The following PDZD2 variants were observed in gnomAD, a reference collection of about 807,000 sequenced individuals.
PDZD2 encodes the protein PDZ domain-containing protein 2.
Under a neutral mutation model 220.7 loss-of-function variants are expected in PDZD2, and 90 were observed. That is an observed-to-expected ratio of 0.41 (90% CI 0.34 to 0.49). The LOEUF is 0.49. PDZD2 is among the 20% of genes least tolerant of loss of function. PDZD2 has a pLI of 0.28. For synonymous variants in PDZD2, 1,375 were observed against 1,450.5 expected (o/e 0.95, Z 1.18); for missense variants, 3,174 against 3,608.5 (o/e 0.88, Z 3.08).
At position 32,016,456 on chromosome 5, in the gene PDZD2, G is replaced by C. The variant is rs976263520; in HGVS notation, c.1407+5974G>C. Among the ~76,000 whole-genome samples the C allele has an allele frequency of 2.2e-4, 34 of 152,200 alleles. 1 individual carries two copies. Among genetic ancestry groups the C allele is most frequent in the Non-Finnish European group, 7.3e-5 (5 of 68,036 alleles). On this transcript the variant is annotated intron_variant, in intron 6 of 24. Coordinates refer to ENST00000438447, the MANE Select transcript of PDZD2 (RefSeq NM_178140.4). ...ATGAATACCAAGGGTGTAAACCTGT[G>C]ATTAGCATTAAAACAGAAAGACACG... is the stretch of plus-strand genomic sequence containing the variant.
chr5:32,062,291 G>T (rs561868553), intron 14 of PDZD2, among the ~76,000 whole-genome samples: 5 of 152,040 alleles, frequency 3.3e-5, no homozygotes, highest in Admixed American at 6.5e-5. Context: ...AAAAAATAAA[G>T]CCCAGCATTT....
At chr5:31,992,432 T>C in intron 3 of PDZD2, among the ~76,000 whole-genome samples, 1 of 85,838 alleles carries the variant, frequency 1.2e-5, no homozygotes, top group East Asian at 2.4e-4. Context: ...TGAACTCTTC[T>C]GTCAGTATAT....
chr5:32,011,358 G>T (rs887623090), intron 6 of PDZD2, among the ~76,000 whole-genome samples: 2 of 151,842 alleles, frequency 1.3e-5, no homozygotes, highest in African/African-American at 4.8e-5. Context: ...AATTAGCCAG[G>T]TGTGGTGGGG....
intron 3 of PDZD2, among the ~76,000 whole-genome samples, chr5:31,985,238 G>C (rs1296038981): frequency 2.0e-5 from 3 of 152,042 alleles, no homozygotes; most frequent in Non-Finnish European, 1.5e-5. Flanking sequence ...TGATTAGATT[G>C]TGCATACACA....
At chr5:31,738,465 C>T (rs1459533083) in intron 1 of PDZD2, 2 of 152,174 alleles carry the variant, frequency 1.3e-5, no homozygotes, top group Non-Finnish European at 2.9e-5. Flanking sequence ...CCTTGTTCTG[C>T]ACTTTCTAAA....
At position 32,088,309 on chromosome 5, in the gene PDZD2, GCTGCCATCTGTC is replaced by G; in HGVS notation, c.4867_4878del (p.Ile1623_Ala1626del). ...GAGTCCTGCTCATCTTCCCACCCAG[GCTGCCATCTGTC>G]CTGCCTCAGCCAAAGTTCTGTCATT... On this transcript the variant is annotated inframe_deletion, in exon 20 of 25. Coordinates refer to ENST00000438447, the MANE Select transcript of PDZD2 (RefSeq NM_178140.4). The surrounding 1 kb of genome is among the most constrained non-coding windows in gnomAD (Gnocchi z 4.6). The G allele has an allele frequency of 6.2e-7, 1 of 1,614,028 alleles. No homozygotes were observed. Among genetic ancestry groups the G allele is most frequent in the East Asian group, 2.2e-5 (1 of 44,866 alleles).
At chr5:31,680,710 C>G (rs1329929425) in intron 1 of PDZD2, among the ~76,000 whole-genome samples, 4 of 152,088 alleles carry the variant, frequency 2.6e-5, no homozygotes, top group Admixed American at 2.6e-4. Flanking sequence ...CTCGTCAGGA[C>G]GTGCGAGCTT....
intron 14 of PDZD2, among the ~76,000 whole-genome samples, chr5:32,065,066 G>A (rs149506727): frequency 0.016 from 2,439 of 150,036 alleles, 79 homozygotes; most frequent in African/African-American, 0.057. Flanking sequence ...TTAGGAGGCC[G>A]AGGTGGGCAG....
At chr5:31,705,974 C>T (rs426406) in intron 1 of PDZD2, among the ~76,000 whole-genome samples, 75,441 of 152,044 alleles carry the variant, frequency 0.5, 19,140 homozygotes, top group East Asian at 0.68. Context: ...ACTGCTTGAA[C>T]CTGGGAGGCG....
intron 2 of PDZD2, among the ~76,000 whole-genome samples, chr5:31,897,706 G>A (rs981537162): frequency 2.6e-4 from 39 of 151,214 alleles, no homozygotes; most frequent in African/African-American, 9.5e-4. Context: ...CATGAAACAT[G>A]CAGATGATAT....
chr5:32,029,751 G>C (rs1754979540), intron 6 of PDZD2, among the ~76,000 whole-genome samples: 1 of 152,216 alleles, frequency 6.6e-6, no homozygotes, highest in Non-Finnish European at 1.5e-5. Context: ...TGGAAAGACA[G>C]ATAATTCCAT....
At chr5:31,787,606 A>T (rs1753453455) in intron 1 of PDZD2, 1 of 148,694 alleles carries the variant, frequency 6.7e-6, no homozygotes, top group Non-Finnish European at 1.5e-5. Context: ...CATTTCATTC[A>T]TTTTTTTTTT....
chr5:32,002,648 C>CA (rs1561311814), intron 5 of PDZD2, among the ~76,000 whole-genome samples: 12 of 70,212 alleles, frequency 1.7e-4, no homozygotes, highest in African/African-American at 6.0e-4. Context: ...ACACACACAC[C>CA]CCACATACTA....
chr5:31,950,335 T>C (rs982735770), intron 2 of PDZD2, among the ~76,000 whole-genome samples: 6 of 152,158 alleles, frequency 3.9e-5, no homozygotes, highest in Non-Finnish European at 1.5e-5. Context: ...AGTTGTAGAT[T>C]GCTGGAAAAA....
intron 1 of PDZD2, among the ~76,000 whole-genome samples, chr5:31,651,864 C>T (rs11953302): frequency 6.8e-6 from 1 of 147,428 alleles, no homozygotes; most frequent in African/African-American, 2.5e-5. Context: ...GTCACCCAGG[C>T]TGGAGTGTAG....
chr5:32,052,781 C>T (rs1367924514), intron 9 of PDZD2, 51 bp downstream of exon 9: 26 of 1,572,634 alleles, frequency 1.7e-5, no homozygotes, highest in Non-Finnish European at 2.3e-5. Flanking sequence ...TCTTAGCACA[C>T]ATTTTTTGTT....
chr5:31,760,170 T>C (rs929646514), intron 1 of PDZD2, among the ~76,000 whole-genome samples: 2 of 150,982 alleles, frequency 1.3e-5, no homozygotes, highest in Admixed American at 6.6e-5. Flanking sequence ...ATGGCTCTTA[T>C]GTTGAACTCA....
intron 2 of PDZD2, among the ~76,000 whole-genome samples, chr5:31,886,280 C>T (rs1050549482): frequency 6.6e-6 from 1 of 152,186 alleles, no homozygotes; most frequent in African/African-American, 2.4e-5. Flanking sequence ...TTGTTTAGAG[C>T]ATGTTGCTGC....
chr5:31,689,353 A>ATATATATATATATATATATATATAT, intron 1 of PDZD2, among the ~76,000 whole-genome samples: 1 of 35,142 alleles, frequency 2.8e-5, no homozygotes, highest in African/African-American at 2.1e-4. Flanking sequence ...ATATATATAT[A>ATATATATATATATATATATATATAT]TTTTTTTTTT....
Sources: allele counts gnomAD v4.1 joint callset (sites outside exome capture counted in the v4.1 genomes callset), GRCh38; gene constraint gnomAD v4.1.1; non-coding constraint Gnocchi (gnomAD v3.1); transcripts MANE v1.5; gene names NCBI Gene and HGNC (gene_info 2026-07-23, HGNC 2026-07-21).